The following ACACA variants were observed in gnomAD, a reference collection of about 807,000 sequenced individuals.
ACACA encodes the protein acetyl-CoA carboxylase alpha, also known as acetyl-CoA carboxylase 1.
Under a neutral mutation model 296.1 loss-of-function variants are expected in ACACA, and 103 were observed. The observed-to-expected ratio is 0.35, with a 90% confidence interval of 0.30 to 0.41. The LOEUF (loss-of-function observed/expected upper bound fraction) is 0.41, where lower values mean the gene tolerates loss of function less well. Ranked by LOEUF, ACACA falls within the 10% of genes least tolerant of loss-of-function variation. ACACA has a pLI of 1.00. For synonymous variants in ACACA, 953 were observed against 1,038.6 expected (o/e 0.92, Z 1.58); for missense variants, 1,554 against 2,989.7 (o/e 0.52, Z 11.20).
chr17:37,164,354 T>A (rs538917319), intron 41 of ACACA, among the ~76,000 whole-genome samples: 5 of 152,332 alleles, frequency 3.3e-5, no homozygotes, highest in South Asian at 4.1e-4. Flanking sequence ...GCACATCCAC[T>A]GTAATCAGGC....
At chr17:37,195,426 C>T (rs982518708) in intron 35 of ACACA, among the ~76,000 whole-genome samples, 2 of 152,054 alleles carry the variant, frequency 1.3e-5, no homozygotes, top group African/African-American at 4.8e-5. Flanking sequence ...AAGAAACTGA[C>T]TAATTCTTGG....
At chr17:37,339,888 T>C (rs765134086) in intron 1 of ACACA, 38 bp from the exon 2 acceptor site, 6 of 1,077,612 alleles carry the variant, frequency 5.6e-6, no homozygotes, top group South Asian at 4.0e-5. Context: ...TTTTTTTTTT[T>C]AAGAAACAAA....
chr17:37,141,715 G>T (rs1399854984), intron 45 of ACACA, among the ~76,000 whole-genome samples: 1 of 151,942 alleles, frequency 6.6e-6, no homozygotes, highest in African/African-American at 2.4e-5. Flanking sequence ...TTCTGAGATG[G>T]AGTTTTGCTG....
chr17:37,285,064 T>C, intron 3 of ACACA, 94 bp from the exon 4 acceptor site: 2 of 1,423,042 alleles, frequency 1.4e-6, no homozygotes, highest in Non-Finnish European at 2.0e-6. Flanking sequence ...CACAACTGCA[T>C]CCTGTGAAGA....
chr17:37,121,563 A>G (rs2074528825), intron 49 of ACACA, 73 bp from the exon 50 acceptor site: 4 of 1,581,556 alleles, frequency 2.5e-6, no homozygotes, highest in Non-Finnish European at 1.7e-6. Flanking sequence ...GGTGAACAAG[A>G]TTTTACTTAT....
At chr17:37,404,726 C>G (rs1409177679) in intron 1 of ACACA, among the ~76,000 whole-genome samples, 1 of 151,984 alleles carries the variant, frequency 6.6e-6, no homozygotes, top group African/African-American at 2.4e-5. Flanking sequence ...AGGCGCCCGT[C>G]ACAATGCCCA....
intron 45 of ACACA, 82 bp from the exon 46 acceptor site, chr17:37,130,300 GTTC>G: frequency 6.5e-7 from 1 of 1,541,310 alleles, no homozygotes; most frequent in Non-Finnish European, 9.0e-7. Context: ...ACTAAAATGG[GTTC>G]TTTTCTCCAC....
intron 1 of ACACA, among the ~76,000 whole-genome samples, chr17:37,370,110 G>T (rs1161052896): frequency 6.7e-6 from 1 of 149,564 alleles, no homozygotes; most frequent in Non-Finnish European, 1.5e-5. Context: ...GGGTTCAAGC[G>T]ATTCTCCTGC....
intron 45 of ACACA, among the ~76,000 whole-genome samples, chr17:37,136,942 CAAA>C (rs769799822): frequency 8.5e-6 from 1 of 117,286 alleles, no homozygotes. Context: ...GACTCCGTCT[CAAA>C]AAAAAAAAAA....
chr17:37,287,590 A>AAAAAAAAC (rs1264156932), intron 3 of ACACA, among the ~76,000 whole-genome samples: 2 of 144,194 alleles, frequency 1.4e-5, no homozygotes, highest in Non-Finnish European at 1.5e-5. Context: ...AAAAAAAAAA[A>AAAAAAAAC]CAAATATCCA....
intron 50 of ACACA, among the ~76,000 whole-genome samples, chr17:37,114,170 A>C (rs2074119698): frequency 6.6e-6 from 1 of 151,992 alleles, no homozygotes; most frequent in African/African-American, 2.4e-5. Flanking sequence ...GTGACAGAAC[A>C]AGACCCTGTC....
intron 3 of ACACA, among the ~76,000 whole-genome samples, chr17:37,302,772 C>T (rs568819060): frequency 6.6e-6 from 1 of 152,040 alleles, no homozygotes; most frequent in Non-Finnish European, 1.5e-5. Context: ...CTTAACTTTT[C>T]TATATAGATC....
rs192072126 is a variant in ACACA, at chr17:37,087,499, A to T, written c.7029-60T>A. The T allele has an allele frequency of 2.0e-4, 323 of 1,604,802 alleles. No individual in the cohort carries two copies. The African/African-American group carries it at 3.8e-3, about 19-fold the overall frequency. On this transcript the variant is annotated intron_variant, in intron 55 of 55. Coordinates refer to ENST00000616317, the MANE Select transcript of ACACA (RefSeq NM_198834.3). The stretch of plus-strand genomic sequence containing the variant: ...GAAGCAGAAGTGTCTAGATGAGGAC[A>T]GCTAAAGAACTGCCCAATAAACATG...
chr17:37,143,024 G>C (rs992530814), intron 45 of ACACA, among the ~76,000 whole-genome samples: 3 of 152,076 alleles, frequency 2.0e-5, no homozygotes, highest in African/African-American at 7.2e-5. Context: ...TACCTATTTT[G>C]GCTCATTTAA....
intron 1 of ACACA, among the ~76,000 whole-genome samples, chr17:37,342,135 G>A (rs932086768): frequency 1.3e-5 from 2 of 151,630 alleles, no homozygotes; most frequent in African/African-American, 2.4e-5. Flanking sequence ...GTGGCCAGGC[G>A]CAGTGGCTCA....
chr17:37,121,544 T>C, intron 49 of ACACA, 54 bp from the exon 50 acceptor site: 1 of 1,608,748 alleles, frequency 6.2e-7, no homozygotes, highest in Non-Finnish European at 8.5e-7. Context: ...CAGGGGGAAA[T>C]CTCTCCAAGG....
chr17:37,191,386 G>T, intron 37 of ACACA, 111 bp from the exon 38 acceptor site: 1 of 1,098,582 alleles, frequency 9.1e-7, no homozygotes, highest in African/African-American at 1.6e-5. Flanking sequence ...GGCACTTGGT[G>T]AAGAGATTGT....
chr17:37,088,364 G>A (rs956071039), intron 55 of ACACA, among the ~76,000 whole-genome samples: 4 of 152,014 alleles, frequency 2.6e-5, no homozygotes, highest in African/African-American at 9.7e-5. Context: ...CATATGGGAG[G>A]GCAGGCACAC....
In ACACA at chr17:37,191,080, T is replaced by C. The variant is rs1179504920; in HGVS notation, c.4572+40A>G. ...AAATATGAATGAACTTCTGTGCTTA[T>C]GCTTGCTAGTGCTGGGAGAGAAGCT... is the stretch of plus-strand genomic sequence containing the variant. On this transcript the variant is annotated intron_variant, in intron 38 of 55. Transcript: ENST00000616317. The C allele has an allele frequency of 2.5e-6, 4 of 1,608,992 alleles. No individual in the cohort carries two copies. In the Admixed American group the frequency reaches 5.0e-5, roughly 20 times the overall value.
Sources: gnomAD v4.1 joint callset for allele counts (sites outside exome capture counted in the v4.1 genomes callset) on GRCh38, gnomAD v4.1.1 for gene constraint, MANE v1.5 for transcripts, NCBI Gene and HGNC (gene_info 2026-07-23, HGNC 2026-07-21) for gene names.